KTN1: variants seen among roughly 807,000 people sequenced by gnomAD.
The protein encoded by KTN1 is kinectin.
In KTN1, 130 loss-of-function variants were observed where a neutral mutation model predicts 222.5. That is an observed-to-expected ratio of 0.58 (90% confidence interval 0.51 to 0.68). The LOEUF (loss-of-function observed/expected upper bound fraction) is 0.68. Ranked by LOEUF, KTN1 falls within the 30% of genes least tolerant of loss-of-function variation. KTN1 has a pLI of 0.00. For synonymous variants in KTN1, 512 were observed against 496.3 expected (o/e 1.03, Z -0.42); for missense variants, 1,508 against 1,500.4 (o/e 1.01, Z -0.08).
At chr14:55,667,140 T>C in intron 33 of KTN1, 101 bp from the exon 34 acceptor site, 1 of 749,096 alleles carries the variant, frequency 1.3e-6, no homozygotes, top group South Asian at 1.8e-5. Flanking sequence ...TTTAAACTTT[T>C]TCTTCCCGTA....
intron 1 of KTN1, among the ~76,000 whole-genome samples, chr14:55,606,963 G>C (rs771375172): frequency 9.2e-5 from 14 of 152,156 alleles, no homozygotes; most frequent in Non-Finnish European, 1.8e-4. Flanking sequence ...TGTGTGATGT[G>C]TCTTCACATG....
chr14:55,611,316 A>C (rs945832363), intron 1 of KTN1, among the ~76,000 whole-genome samples: 1 of 135,492 alleles, frequency 7.4e-6, no homozygotes, highest in African/African-American at 2.9e-5. Context: ...TGCCCAGGGT[A>C]GACTGGAACT....
chr14:55,644,331 C>G (rs901683906), intron 18 of KTN1: 11 of 699,696 alleles, frequency 1.6e-5, no homozygotes, highest in Non-Finnish European at 2.9e-5. Flanking sequence ...GTCCTTTTAC[C>G]CCATGGATTT....
intron 1 of KTN1, among the ~76,000 whole-genome samples, chr14:55,590,876 A>ATGT (rs1356581015): frequency 4.6e-5 from 7 of 151,972 alleles, no homozygotes; most frequent in African/African-American, 1.7e-4. Flanking sequence ...GGGTTTCACC[A>ATGT]TGTTGGCAAG....
At position 55,580,987 on chromosome 14, in the gene KTN1, G is replaced by A. The variant is rs371621562; in HGVS notation, c.-31+633G>A. Among the ~76,000 whole-genome samples the A allele has an allele frequency of 5.6e-4, 86 of 152,376 alleles. 2 individuals carry two copies. Among genetic ancestry groups the A allele is most frequent in the East Asian group, 4.1e-3 (21 of 5,180 alleles). ...GGGCACGGAAAGCAGCATGAGGGGGGACTTTGGAAAAATCCATGGACCACT... is the reference window on the plus strand; with the variant it reads ...GGGCACGGAAAGCAGCATGAGGGGGAACTTTGGAAAAATCCATGGACCACT... On this transcript the variant is annotated intron_variant, in intron 1 of 43. Coordinates refer to ENST00000395314, the MANE Select transcript of KTN1 (RefSeq NM_001079521.2).
At chr14:55,623,895 A>G (rs1308111133) in intron 5 of KTN1, among the ~76,000 whole-genome samples, 1 of 152,200 alleles carries the variant, frequency 6.6e-6, no homozygotes, top group Non-Finnish European at 1.5e-5. Flanking sequence ...TGTTGCTGGT[A>G]GCTTATGGGG....
At chr14:55,609,446 A>G (rs189983991) in intron 1 of KTN1, among the ~76,000 whole-genome samples, 36 of 152,334 alleles carry the variant, frequency 2.4e-4, no homozygotes, top group Admixed American at 7.2e-4. Context: ...GGTGAATTGA[A>G]TTGTGTGAAG....
At chr14:55,605,308 G>C (rs1247620948) in intron 1 of KTN1, among the ~76,000 whole-genome samples, 2 of 152,136 alleles carry the variant, frequency 1.3e-5, no homozygotes, top group Non-Finnish European at 2.9e-5. Flanking sequence ...ACGGAGTATT[G>C]CTCTGTCGCC....
chr14:55,661,551 G>A lies in KTN1; in HGVS notation c.3029G>A (p.Gly1010Asp). The A allele has an allele frequency of 6.2e-7, 1 of 1,602,002 alleles. No individual in the cohort carries two copies. Among genetic ancestry groups the A allele is most frequent in the Non-Finnish European group, 8.6e-7 (1 of 1,169,528 alleles). Residue 1010 changes from glycine to aspartate, a missense_variant, in exon 32 of 44, where the codon GGT becomes GAT. Gly to Asp is a moderately conservative substitution (Grantham distance 94). Coordinates refer to ENST00000395314, the MANE Select transcript of KTN1 (RefSeq NM_001079521.2). The stretch of plus-strand genomic sequence containing the variant: ...TCAGAAAGAGAGAAAGAAATAAGTG[G>A]TCTCTGGAATGAGTTAGATTCTTTG... ...VISEREKEISGLWNELDSLKD... is the reference protein window; with the variant it reads ...VISEREKEISDLWNELDSLKD...
intron 1 of KTN1, among the ~76,000 whole-genome samples, chr14:55,595,225 A>T (rs2140403755): frequency 7.4e-6 from 1 of 135,406 alleles, no homozygotes; most frequent in South Asian, 2.5e-4. Context: ...TTGAGTCTGA[A>T]ATCATAAATG....
intron 17 of KTN1, 78 bp downstream of exon 17, chr14:55,641,286 T>TA: frequency 1.2e-6 from 1 of 808,850 alleles, no homozygotes; most frequent in Non-Finnish European, 2.0e-6. Flanking sequence ...CCAGAAATAC[T>TA]ACGTTTTGTA....
At chr14:55,676,149 C>T (rs2045876164) in intron 41 of KTN1, among the ~76,000 whole-genome samples, 1 of 152,070 alleles carries the variant, frequency 6.6e-6, no homozygotes, top group South Asian at 2.1e-4. Flanking sequence ...TAATTAATTG[C>T]TTTATAAAGT....
At chr14:55,680,645 C>T in intron 43 of KTN1, 1 of 1,268,112 alleles carries the variant, frequency 7.9e-7, no homozygotes, top group Non-Finnish European at 1.1e-6. Flanking sequence ...TTGGGATGGA[C>T]TTCCATTTTG....
At chr14:55,613,531 T>C (rs929393864) in intron 2 of KTN1, among the ~76,000 whole-genome samples, 4 of 147,574 alleles carry the variant, frequency 2.7e-5, no homozygotes, top group African/African-American at 1.0e-4. Context: ...TCTCACACTC[T>C]CACCCAGGCT....
At chr14:55,683,919 C>G (rs1248213672) in intron 43 of KTN1, among the ~76,000 whole-genome samples, 180 bp from the exon 44 acceptor site, 2 of 151,944 alleles carry the variant, frequency 1.3e-5, no homozygotes, top group Non-Finnish European at 2.9e-5. Flanking sequence ...AAGCTTGTTT[C>G]CTTTGAATCC....
At chr14:55,651,430 A>C (rs1387797587) in intron 24 of KTN1, 1 of 451,884 alleles carries the variant, frequency 2.2e-6, no homozygotes, top group Non-Finnish European at 4.4e-6. Flanking sequence ...ATCATAGAGT[A>C]CTGTTGAGTA....
intron 1 of KTN1, among the ~76,000 whole-genome samples, chr14:55,584,623 G>T (rs1337366118): frequency 6.6e-6 from 1 of 152,100 alleles, no homozygotes; most frequent in Non-Finnish European, 1.5e-5. Context: ...TCTGATTCTT[G>T]TACCTTGCTC....
intron 1 of KTN1, among the ~76,000 whole-genome samples, chr14:55,600,318 A>G (rs2035780826): frequency 1.3e-5 from 2 of 151,978 alleles, no homozygotes; most frequent in South Asian, 4.2e-4. Context: ...GTGAATGATA[A>G]ATTTTGAAGT....
Position 55,619,694 on chromosome 14 carries a change from A to G in KTN1, c.963+382A>G, listed in dbSNP as rs567894940. 7.9e-5 allele frequency among the ~76,000 whole-genome samples: 12 copies of G among 152,258 alleles called. No homozygotes were observed. In the South Asian group the frequency reaches 2.3e-3, roughly 29 times the overall value. ...CTTGTAAGGCTTATTTACTACCACA[A>G]GAATAATATGGGGGAAATTGCCCCC... On this transcript the variant is annotated intron_variant, in intron 5 of 43. Coordinates refer to ENST00000395314, the MANE Select transcript of KTN1 (RefSeq NM_001079521.2).
Sources: gnomAD v4.1 joint callset for allele counts (sites outside exome capture counted in the v4.1 genomes callset) on GRCh38, gnomAD v4.1.1 for gene constraint, MANE v1.5 for transcripts, NCBI Gene and HGNC (gene_info 2026-07-23, HGNC 2026-07-21) for gene names.